The following GNPTG variants were observed in gnomAD, a reference collection of about 807,000 sequenced individuals.
GNPTG encodes the protein N-acetylglucosamine-1-phosphotransferase subunit gamma.
Under a neutral mutation model 43.8 loss-of-function variants are expected in GNPTG, and 46 were observed. The observed-to-expected ratio is 1.05, with a 90% CI of 0.83 to 1.34. The LOEUF (loss-of-function observed/expected upper bound fraction) is 1.34, where lower values mean the gene tolerates loss of function less well. Among genes scored for constraint, GNPTG ranks in the 40% most tolerant of loss-of-function variants. GNPTG has a pLI of 0.00. For synonymous variants in GNPTG, 250 were observed against 172.8 expected (o/e 1.45, Z -3.50); for missense variants, 549 against 411.3 (o/e 1.33, Z -2.90).
At chr16:1,356,675 A>T (rs1442496670) in intron 3 of GNPTG, among the ~76,000 whole-genome samples, 2 of 152,150 alleles carry the variant, frequency 1.3e-5, no homozygotes, top group Non-Finnish European at 2.9e-5. Flanking sequence ...CCAGCTGGGG[A>T]GCCAGGCCAG....
At position 1,361,770 on chromosome 16, in the gene GNPTG, G is replaced by A; in HGVS notation, c.206G>A (p.Gly69Asp). 5 of 1,614,146 alleles carry A rather than the reference G, an allele frequency of 3.1e-6. No individual in the cohort carries two copies. The highest frequency in any genetic ancestry group is 4.2e-6 in the Non-Finnish European group (5 of 1,180,040). Residue 69 changes from glycine (G) to aspartate (D), a missense_variant, in exon 4 of 11, where the codon GGC (glycine) becomes GAC (aspartate). Coordinates refer to ENST00000204679, the MANE Select transcript of GNPTG (RefSeq NM_032520.5). ...SGPVHLFRLS[G>D]KCFSLVESTY... ...CCCGTGCATCTCTTCCGACTCTCGG[G>A]CAAGTGCTTCAGCCTGGTGGAGTCC...
At chr16:1,359,981 C>A (rs1009273920) in intron 3 of GNPTG, among the ~76,000 whole-genome samples, 2 of 152,040 alleles carry the variant, frequency 1.3e-5, no homozygotes, top group African/African-American at 4.8e-5. Flanking sequence ...TGATGGCAGG[C>A]ACCGGTAATC....
At chr16:1,359,686 G>C (rs1191965929) in intron 3 of GNPTG, among the ~76,000 whole-genome samples, 1 of 152,166 alleles carries the variant, frequency 6.6e-6, no homozygotes, top group African/African-American at 2.4e-5. Flanking sequence ...TCGATGATTT[G>C]GGGTCCTCTG....
chr16:1,353,268 CGCCCAGCTTTAGT>C (rs2034717049), intron 3 of GNPTG, among the ~76,000 whole-genome samples: 1 of 152,208 alleles, frequency 6.6e-6, no homozygotes, highest in African/African-American at 2.4e-5. Flanking sequence ...TGAGCCACCG[CGCCCAGCTTTAGT>C]AATTTTATTA....
In GNPTG at chr16:1,361,901, A is replaced by G. The variant is rs775604993; in HGVS notation, c.263A>G (p.Asn88Ser). 1.7e-5 allele frequency: 27 copies of G among 1,613,662 alleles called. No homozygotes were observed. Among genetic ancestry groups the G allele is most frequent in the Non-Finnish European group, 2.1e-5 (25 of 1,180,028 alleles). ...AAGTATGAGTTCTGCCCGTTCCACA[A>G]CGTGACCCAGCACGAGCAGACCTTC... ...TYKYEFCPFH[N>S]VTQHEQTFRW... Residue 88 changes from asparagine to serine, a missense_variant, in exon 5 of 11, where the codon AAC becomes AGC. Physicochemically the swap from Asn to Ser is conservative, Grantham distance 46 (BLOSUM62 1). Transcript: ENST00000204679.
chr16:1,352,048 C>T lies in GNPTG; in HGVS notation c.52+31C>T, dbSNP rs1009539040. On this transcript the variant is annotated intron_variant, in intron 1 of 10. Transcript: ENST00000204679. ...TGGCCCGGCCGTCCGCGTCCCCAGG[C>T]CCCGCGCGCGCTCTGCACCCCGGCC... 5 of 1,516,506 alleles carry T rather than the reference C, an allele frequency of 3.3e-6. No individual in the cohort carries two copies. The African/African-American group carries it at 5.8e-5, about 17-fold the overall frequency. The allele number at this position is 1,516,506 out of a possible 1,614,324, so 93.9% of individuals were successfully genotyped here. A position where few individuals can be genotyped will look rare whatever the true frequency, so the allele number is the denominator to read the frequency against.
At position 1,362,271 on chromosome 16, in the gene GNPTG, C is replaced by T. The variant is rs201168011; in HGVS notation, c.477C>T (p.Tyr159=). The T allele has an allele frequency of 1.2e-4, 201 of 1,613,502 alleles. No individual in the cohort carries two copies. The highest frequency in any genetic ancestry group is 1.1e-3 in the African/African-American group (82 of 75,072). ...AHVSEPSTCV[Y]ALTFETPLVC... is the part of the protein sequence containing the mutation. ...TGTCCGAGCCGAGCACCTGCGTCTA[C>T]GCGCTGACGTTCGAGACCCCCCTCG... Residue 159 remains tyrosine (Y), a synonymous_variant, in exon 7 of 11, where the codon TAC becomes TAT. Transcript: ENST00000204679.
chr16:1,355,293 C>CGT (rs1468280165), intron 3 of GNPTG, among the ~76,000 whole-genome samples: 2 of 152,172 alleles, frequency 1.3e-5, no homozygotes, highest in African/African-American at 2.4e-5. Context: ...TCAACATCAA[C>CGT]GTGTGAGGCG....
At chr16:1,361,830 G>A (rs780912876) in intron 4 of GNPTG, 33 bp downstream of exon 4, 5 of 1,613,744 alleles carry the variant, frequency 3.1e-6, no homozygotes, top group Non-Finnish European at 3.4e-6. Context: ...GGTGGGCTGG[G>A]GCGCAGCCTG....
chr16:1,359,307 C>T (rs901860598), intron 3 of GNPTG, among the ~76,000 whole-genome samples: 2 of 151,946 alleles, frequency 1.3e-5, no homozygotes, highest in Middle Eastern at 3.2e-3. Context: ...AACTCTGTAG[C>T]CCAGGCTGGA....
chr16:1,352,068 C>T (rs1187807679), intron 1 of GNPTG, 34 bp from the exon 2 acceptor site: 2 of 1,541,652 alleles, frequency 1.3e-6, no homozygotes, highest in African/African-American at 1.4e-5. Context: ...GCTCTGCACC[C>T]CGGCCTCCCC....
At position 1,362,809 on chromosome 16, in the gene GNPTG, T is replaced by A. The variant is rs749610702; in HGVS notation, c.742-16T>A. The A allele has an allele frequency of 5.6e-6, 9 of 1,614,026 alleles. 1 individual carries two copies. The highest frequency in any genetic ancestry group is 1.7e-5 in the Admixed American group (1 of 60,014). On this transcript the variant is annotated splice_polypyrimidine_tract_variant and intron_variant, in intron 9 of 10. Transcript: ENST00000204679. ...AGCACCTGGGCTTTCCCTTGAACTC[T>A]TTTTGTGGTTGGTAGGCTCATAAAG... is the stretch of plus-strand genomic sequence containing the variant.
At chr16:1,353,227 T>A (rs1195743252) in intron 3 of GNPTG, among the ~76,000 whole-genome samples, 1 of 152,214 alleles carries the variant, frequency 6.6e-6, no homozygotes, top group East Asian at 1.9e-4. Flanking sequence ...TCCGCCCATC[T>A]CGGCCTCCAA....
At position 1,362,723 on chromosome 16, in the gene GNPTG, C is replaced by T. The variant is rs1398995144; in HGVS notation, c.722C>T (p.Thr241Ile). 3 of 1,613,928 alleles carry T rather than the reference C, an allele frequency of 1.9e-6. No individual in the cohort carries two copies. The highest frequency in any genetic ancestry group is 2.5e-6 in the Non-Finnish European group (3 of 1,180,024). ...GGTCCTGACAGCTTGGGGTTTGAGACCCTGGAAAACTGCAGGAAGGTACCG... is the reference window on the plus strand; with the variant it reads ...GGTCCTGACAGCTTGGGGTTTGAGATCCTGGAAAACTGCAGGAAGGTACCG... Reference protein sequence around the residue: ...EGGPDSLGFETLENCRKAHKE... With the variant: ...EGGPDSLGFEILENCRKAHKE... Residue 241 changes from threonine to isoleucine, a missense_variant, in exon 9 of 11, where the codon ACC becomes ATC. Transcript: ENST00000204679.
intron 3 of GNPTG, among the ~76,000 whole-genome samples, chr16:1,360,185 G>A (rs762939658): frequency 6.6e-6 from 1 of 151,972 alleles, no homozygotes; most frequent in Non-Finnish European, 1.5e-5. Context: ...GGATAATTGT[G>A]GTGTCTTGGC....
chr16:1,363,225 A>G lies in GNPTG; in HGVS notation c.*134A>G. 1 of 756,484 alleles carries G rather than the reference A, an allele frequency of 1.3e-6. No homozygotes were observed. Among genetic ancestry groups the G allele is most frequent in the Non-Finnish European group, 2.3e-6 (1 of 437,070 alleles). The allele number at this position is 756,484 out of a possible 1,614,324, so 46.9% of individuals were successfully genotyped here. The stretch of plus-strand genomic sequence containing the variant: ...AAAACAAAGATTCAAGGTTTTAATT[A>G]ATTCCCATACTGATAAAAATAACTC... On this transcript the variant is annotated 3_prime_UTR_variant, in exon 11 of 11. Transcript: ENST00000204679.
chr16:1,361,416 G>A (rs1459118954), intron 3 of GNPTG: 8 of 359,450 alleles, frequency 2.2e-5, no homozygotes, highest in Middle Eastern at 1.9e-3. Flanking sequence ...AGGCCGAGGT[G>A]GGTGGATCAC....
Position 1,363,358 on chromosome 16 carries a change from G to A in GNPTG, c.*267G>A. ...TAAATGATTATAAATACTACCTTCT[G>A]GGTTAAGAAAATTCCATTCAAATAA... On this transcript the variant is annotated 3_prime_UTR_variant, in exon 11 of 11. Transcript: ENST00000204679. The A allele has an allele frequency of 2.2e-6, 1 of 462,558 alleles. No homozygotes were observed. The highest frequency in any genetic ancestry group is 4.0e-6 in the Non-Finnish European group (1 of 251,418). The allele number at this position is 462,558 out of a possible 1,614,324, so 28.7% of individuals were successfully genotyped here.
At chr16:1,354,333 C>T (rs1263467644) in intron 3 of GNPTG, among the ~76,000 whole-genome samples, 3 of 151,760 alleles carry the variant, frequency 2.0e-5, no homozygotes, top group East Asian at 1.9e-4. Flanking sequence ...GCATGTTGCT[C>T]GGGAGCCTGA....
Sources: allele counts gnomAD v4.1 joint callset (sites outside exome capture counted in the v4.1 genomes callset), GRCh38; gene constraint gnomAD v4.1.1; transcripts MANE v1.5; gene names NCBI Gene and HGNC (gene_info 2026-07-23, HGNC 2026-07-21).